CPNE8: variants seen among roughly 807,000 people sequenced by gnomAD.
The protein encoded by CPNE8 is copine-8.
In CPNE8, 45 loss-of-function variants were observed where a neutral mutation model predicts 81.5. The observed-to-expected ratio is 0.55, with a 90% CI of 0.44 to 0.71. The LOEUF is 0.71. CPNE8 is among the 30% of genes least tolerant of loss of function. CPNE8 has a pLI of 0.00. For missense variants in CPNE8, 594 were observed against 672.1 expected, an observed-to-expected ratio of 0.88 and a Z score of 1.28; for synonymous variants, 252 against 226.3, an observed-to-expected ratio of 1.11 and a Z score of -1.02.
At chr12:38,798,385 G>T (rs1462295015) in intron 6 of CPNE8, among the ~76,000 whole-genome samples, 1 of 151,978 alleles carries the variant, frequency 6.6e-6, no homozygotes, top group African/African-American at 2.4e-5. Context: ...AGACAGTGGG[G>T]GCCAATATTC....
intron 1 of CPNE8, among the ~76,000 whole-genome samples, chr12:38,902,387 A>AAG (rs1211531131): frequency 0.013 from 1,084 of 85,848 alleles, 32 homozygotes; most frequent in African/African-American, 0.034. Context: ...AAAGAAAAGA[A>AAG]AGAAAGAGAA....
chr12:38,798,660 C>G (rs1336794067), intron 6 of CPNE8, among the ~76,000 whole-genome samples: 1 of 151,374 alleles, frequency 6.6e-6, no homozygotes, highest in African/African-American at 2.4e-5. Flanking sequence ...AAATAACGAG[C>G]TAACATCATA....
intron 19 of CPNE8, among the ~76,000 whole-genome samples, chr12:38,666,689 G>A (rs569675622): frequency 6.6e-6 from 1 of 152,296 alleles, no homozygotes; most frequent in East Asian, 1.9e-4. Flanking sequence ...GTCTGTTTCT[G>A]TGTGTATTTA....
chr12:38,836,444 C>T (rs959493105), intron 5 of CPNE8, among the ~76,000 whole-genome samples: 4 of 151,840 alleles, frequency 2.6e-5, no homozygotes, highest in Non-Finnish European at 4.4e-5. Flanking sequence ...CTAACAGTAT[C>T]AAAAAACAGG....
intron 6 of CPNE8, among the ~76,000 whole-genome samples, chr12:38,798,516 A>T (rs1455370818): frequency 6.6e-6 from 1 of 152,110 alleles, no homozygotes; most frequent in Non-Finnish European, 1.5e-5. Context: ...TGTTGTCACC[A>T]CCAGGCCTGC....
chr12:38,849,319 T>C (rs920171518), intron 3 of CPNE8, among the ~76,000 whole-genome samples: 1 of 152,178 alleles, frequency 6.6e-6, no homozygotes, highest in African/African-American at 2.4e-5. Context: ...CCTCCCTCCT[T>C]TCAATGTGAA....
In CPNE8 at chr12:38,730,325, A is replaced by G; in HGVS notation, c.756T>C (p.Tyr252=). The G allele has an allele frequency of 1.3e-6, 2 of 1,597,666 alleles. No individual in the cohort carries two copies. Among genetic ancestry groups the G allele is most frequent in the African/African-American group, 1.3e-5 (1 of 74,478 alleles). Residue 252 remains tyrosine (Y), a synonymous_variant, in exon 11 of 20, where the codon TAT becomes TAC. Coordinates refer to ENST00000331366, the MANE Select transcript of CPNE8 (RefSeq NM_153634.3). ...HDFIGEFTTS[Y]RELSRGQSQF... is the part of the protein sequence containing the mutation. ...GTGACTGCCCTCTAGAAAGTTCCCT[A>G]TAGCTTGTTGTAAATTCTCCAATGA... is the stretch of plus-strand genomic sequence containing the variant.
rs544523839 is a variant in CPNE8 at position 38,745,049 on chromosome 12, G to A, written c.723-14691C>T. 1.1e-3 allele frequency among the ~76,000 whole-genome samples: 166 copies of A among 152,192 alleles called. 4 individuals carry two copies. Among genetic ancestry groups the A allele is most frequent in the South Asian group, 6.2e-4 (3 of 4,818 alleles). On this transcript the variant is annotated intron_variant, in intron 10 of 19. Transcript: ENST00000331366. ...CTGATTCTGAGTCAGAAAGTTTCTC[G>A]GAGATTCCAAAATTTCAATGGGATT...
At chr12:38,682,056 C>G (rs766721903) in intron 16 of CPNE8, among the ~76,000 whole-genome samples, 1 of 151,770 alleles carries the variant, frequency 6.6e-6, no homozygotes, top group Non-Finnish European at 1.5e-5. Context: ...CCCGTCTCTT[C>G]TAAAGATACA....
intron 14 of CPNE8, among the ~76,000 whole-genome samples, 164 bp downstream of exon 14, chr12:38,702,711 G>C (rs1738291588): frequency 6.6e-6 from 1 of 151,628 alleles, no homozygotes; most frequent in Non-Finnish European, 1.5e-5. Flanking sequence ...TTGTATATTT[G>C]AACTATTTCA....
chr12:38,720,064 C>A (rs1940519378), intron 13 of CPNE8, among the ~76,000 whole-genome samples: 1 of 152,090 alleles, frequency 6.6e-6, no homozygotes, highest in Non-Finnish European at 1.5e-5. Context: ...TGGCTCACTG[C>A]AAGCTCCACC....
At chr12:38,885,442 GAC>G (rs1013300794) in intron 1 of CPNE8, among the ~76,000 whole-genome samples, 3 of 152,150 alleles carry the variant, frequency 2.0e-5, no homozygotes, top group Non-Finnish European at 4.4e-5. Flanking sequence ...TCTACTGTGA[GAC>G]AGACAAATAT....
chr12:38,886,014 T>C (rs1944232805), intron 1 of CPNE8, among the ~76,000 whole-genome samples: 1 of 152,196 alleles, frequency 6.6e-6, no homozygotes, highest in South Asian at 2.1e-4. Flanking sequence ...AAATCTCATT[T>C]CTTCATAAAT....
chr12:38,783,877 A>C (rs776246112), intron 6 of CPNE8, among the ~76,000 whole-genome samples: 1 of 152,192 alleles, frequency 6.6e-6, no homozygotes, highest in Non-Finnish European at 1.5e-5. Context: ...AATATCTGGA[A>C]AGTCTTGCCA....
At chr12:38,663,765 A>G (rs1422556462) in intron 19 of CPNE8, among the ~76,000 whole-genome samples, 3 of 152,174 alleles carry the variant, frequency 2.0e-5, no homozygotes, top group Admixed American at 6.5e-5. Flanking sequence ...AAAGTGTAGC[A>G]TATGCACACA....
chr12:38,771,195 A>G (rs1440110750), intron 7 of CPNE8, among the ~76,000 whole-genome samples: 2 of 152,052 alleles, frequency 1.3e-5, no homozygotes, highest in African/African-American at 4.8e-5. Flanking sequence ...ATAGCGGCTC[A>G]TGACTGTAAC....
At chr12:38,859,084 A>T (rs530109638) in intron 3 of CPNE8, among the ~76,000 whole-genome samples, 2 of 152,182 alleles carry the variant, frequency 1.3e-5, no homozygotes, top group African/African-American at 2.4e-5. Context: ...ACATAGTATG[A>T]AAATCCTAGC....
chr12:38,893,833 C>G (rs571403085), intron 1 of CPNE8, among the ~76,000 whole-genome samples: 1 of 152,250 alleles, frequency 6.6e-6, no homozygotes, highest in African/African-American at 2.4e-5. Flanking sequence ...AATTAAAATT[C>G]ATATTTCAAT....
chr12:38,835,297 G>A (rs1211722646), intron 5 of CPNE8, among the ~76,000 whole-genome samples: 1 of 152,110 alleles, frequency 6.6e-6, no homozygotes, highest in Non-Finnish European at 1.5e-5. Flanking sequence ...TACACCCAAG[G>A]TGATAAATGG....
Sources: allele counts gnomAD v4.1 joint callset (sites outside exome capture counted in the v4.1 genomes callset), GRCh38; gene constraint gnomAD v4.1.1; transcripts MANE v1.5; gene names NCBI Gene and HGNC (gene_info 2026-07-23, HGNC 2026-07-21).